Variants in LRGUK observed in about 807,000 individuals in gnomAD.
LRGUK encodes the protein leucine rich repeats and guanylate kinase domain containing.
A neutral mutation model predicts 76.0 loss-of-function variants in LRGUK; 65 were observed. That is an observed-to-expected ratio of 0.85 (90% CI 0.70 to 1.05). The LOEUF is 1.05. Ranked by LOEUF, LRGUK falls within the 50% of genes least tolerant of loss-of-function variation. LRGUK has a pLI of 0.00. For missense variants in LRGUK, 758 were observed against 732.8 expected (o/e 1.03, Z -0.40); for synonymous variants, 268 against 265.6 (o/e 1.01, Z -0.09).
At chr7:134,165,987 T>C (rs554529873) in intron 7 of LRGUK, among the ~76,000 whole-genome samples, 12 of 152,286 alleles carry the variant, frequency 7.9e-5, no homozygotes, top group African/African-American at 2.9e-4. Context: ...TTGGCACCCA[T>C]GAGCTCTGTA....
At chr7:134,258,963 G>A (rs539584964) in intron 19 of LRGUK, among the ~76,000 whole-genome samples, 6 of 152,246 alleles carry the variant, frequency 3.9e-5, no homozygotes, top group African/African-American at 1.4e-4. Flanking sequence ...CTGTCCACCC[G>A]GCCACATTAT....
At chr7:134,182,721 C>T (rs939402812) in intron 10 of LRGUK, among the ~76,000 whole-genome samples, 10 of 151,498 alleles carry the variant, frequency 6.6e-5, no homozygotes, top group African/African-American at 2.4e-4. Context: ...AGTTTAAACA[C>T]ATTGTTCAGT....
At chr7:134,258,397 C>T in exon 19 of LRGUK, 1 of 1,613,688 alleles carries the variant, frequency 6.2e-7, no homozygotes, top group South Asian at 1.1e-5. Flanking sequence ...ACCGAAGAGA[C>T]CCGGAAAGGT....
rs754750169 is a variant in LRGUK at position 134,178,557 on chromosome 7, C to T, written c.1162C>T (p.His388Tyr). Reference sequence around the variant, plus strand: ...CCCTGAAGTGGTTGCAGCTCAAGACCACCTGACCCATGTTGTCAACAGCGT... The same window carrying T: ...CCCTGAAGTGGTTGCAGCTCAAGACTACCTGACCCATGTTGTCAACAGCGT... Residue 388 changes from histidine (H) to tyrosine (Y), a missense_variant, in exon 10 of 16, where the codon CAC becomes TAC. By Grantham distance (83) the His-to-Tyr change is moderately conservative. Transcript: ENST00000645682. The T allele has an allele frequency of 1.1e-4, 176 of 1,613,262 alleles. No homozygotes were observed. The highest frequency in any genetic ancestry group is 8.7e-5 in the Non-Finnish European group (103 of 1,179,702).
At chr7:134,142,483 T>C (rs1797805639) in intron 3 of LRGUK, among the ~76,000 whole-genome samples, 1 of 152,220 alleles carries the variant, frequency 6.6e-6, no homozygotes, top group Non-Finnish European at 1.5e-5. Flanking sequence ...AATGCAAAAC[T>C]CGGATGTACG....
At chr7:134,181,058 C>T (rs1799719700) in intron 10 of LRGUK, among the ~76,000 whole-genome samples, 5 of 152,166 alleles carry the variant, frequency 3.3e-5, no homozygotes, top group Non-Finnish European at 5.9e-5. Context: ...ACCGTGCTTT[C>T]TCCTTCTTTG....
intron 15 of LRGUK, among the ~76,000 whole-genome samples, chr7:134,218,019 T>C (rs760264324): frequency 6.6e-6 from 1 of 152,140 alleles, no homozygotes; most frequent in Non-Finnish European, 1.5e-5. Flanking sequence ...TAGAGTGCGG[T>C]GGCACAATCT....
exon 10 of LRGUK, chr7:134,178,535 T>G: frequency 6.2e-7 from 1 of 1,613,172 alleles, no homozygotes; most frequent in Non-Finnish European, 8.5e-7. Context: ...ATCCTCCCCC[T>G]GAAGTGGTTG....
chr7:134,232,058 C>G (rs893656868), intron 16 of LRGUK, among the ~76,000 whole-genome samples: 2 of 152,124 alleles, frequency 1.3e-5, no homozygotes, highest in African/African-American at 2.4e-5. Flanking sequence ...ATTTCCTGAT[C>G]AGACCCTGCT....
rs372508131 is a variant in LRGUK at position 134,127,352 on chromosome 7, A to G, written c.-16A>G. The G allele has an allele frequency of 9.5e-6, 15 of 1,579,302 alleles. No individual in the cohort carries two copies. The African/African-American group carries it at 1.6e-4, about 17-fold the overall frequency. On this transcript the variant is annotated 5_prime_UTR_variant, in exon 1 of 16. Coordinates refer to ENST00000645682, the Ensembl canonical transcript of LRGUK. The stretch of plus-strand genomic sequence containing the variant: ...CTTGCCTGGGGTCAGTCTCCTAGGC[A>G]ACCCCGCTAAACAAGATGGCGACCT...
exon 19 of LRGUK, chr7:134,258,286 G>A: frequency 1.2e-6 from 2 of 1,614,082 alleles, no homozygotes; most frequent in Non-Finnish European, 1.7e-6. Context: ...TCCATGAAAT[G>A]TTCATTGTTT....
downstream of LRGUK, among the ~76,000 whole-genome samples, chr7:134,211,401 A>T (rs1801264012): frequency 6.6e-6 from 1 of 151,966 alleles, no homozygotes; most frequent in Non-Finnish European, 1.5e-5. Context: ...AAATTCTCTC[A>T]CCCCTCTTGC....
intron 13 of LRGUK, 55 bp downstream of exon 13, chr7:134,197,160 T>C (rs1800524047): frequency 1.1e-6 from 1 of 909,228 alleles, no homozygotes; most frequent in Non-Finnish European, 1.7e-6. Flanking sequence ...GAGTGTGGTG[T>C]GTGTGTATGT....
intron 5 of LRGUK, among the ~76,000 whole-genome samples, chr7:134,157,515 C>T (rs1012954997): frequency 2.2e-4 from 33 of 152,194 alleles, no homozygotes; most frequent in African/African-American, 8.0e-4. Context: ...TACAATCCAG[C>T]ACACTCAAAA....
intron 11 of LRGUK, among the ~76,000 whole-genome samples, chr7:134,190,980 A>G (rs1374561924): frequency 2.4e-5 from 1 of 42,344 alleles, no homozygotes; most frequent in East Asian, 6.1e-4. Flanking sequence ...CAGACAGTGG[A>G]GAGAAAAGGC....
At chr7:134,219,664 A>T (rs1440205856) in intron 15 of LRGUK, among the ~76,000 whole-genome samples, 3 of 152,062 alleles carry the variant, frequency 2.0e-5, no homozygotes, top group Non-Finnish European at 4.4e-5. Context: ...AAATTAGCAC[A>T]GGATGCACCT....
intron 17 of LRGUK, 27 bp from the exon 18 acceptor site, chr7:134,248,924 T>C (rs775280131): frequency 7.0e-7 from 1 of 1,428,568 alleles, no homozygotes; most frequent in Non-Finnish European, 9.2e-7. Flanking sequence ...CTTTGGTTTT[T>C]TTTTTTTTTT....
intron 16 of LRGUK, among the ~76,000 whole-genome samples, chr7:134,243,990 G>A (rs1802229728): frequency 6.6e-6 from 1 of 152,158 alleles, no homozygotes; most frequent in Admixed American, 6.5e-5. Flanking sequence ...GGGAAAACTG[G>A]CTAGCCATAT....
chr7:134,190,132 A>G (rs1328039649), intron 11 of LRGUK, among the ~76,000 whole-genome samples: 2 of 152,214 alleles, frequency 1.3e-5, no homozygotes, highest in Non-Finnish European at 2.9e-5. Flanking sequence ...AAGAAATAAT[A>G]CCTAGCTTAT....
Sources: allele counts gnomAD v4.1 joint callset (sites outside exome capture counted in the v4.1 genomes callset), GRCh38; gene constraint gnomAD v4.1.1; transcripts MANE v1.5; gene names NCBI Gene and HGNC (gene_info 2026-07-23, HGNC 2026-07-21).